Variants in GABRG3 observed in about 807,000 individuals in gnomAD.
The protein encoded by GABRG3 is gamma-aminobutyric acid receptor subunit gamma-3.
GABRG3 carries 25 observed loss-of-function variants against 48.8 expected under a neutral mutation model. The observed-to-expected ratio is 0.51, with a 90% CI of 0.37 to 0.72. The LOEUF (loss-of-function observed/expected upper bound fraction) is 0.72. GABRG3 is among the 30% of genes least tolerant of loss of function. GABRG3 has a pLI of 0.00. For missense variants in GABRG3, 394 were observed against 577.9 expected (o/e 0.68, Z 3.26); for synonymous variants, 227 against 217.6 (o/e 1.04, Z -0.38).
Position 27,027,068 on chromosome 15 carries a change from G to A in GABRG3, c.270+247G>A, listed in dbSNP as rs374350589. 7.7e-4 allele frequency: 291 copies of A among 379,838 alleles called. 1 individual carries two copies. The highest frequency in any genetic ancestry group is 5.7e-3 in the African/African-American group (274 of 48,382). The allele number at this position is 379,838 out of a possible 1,614,324, so 23.5% of individuals were successfully genotyped here. ...ATCCAAGAGACCTGTCTTTTATAGT[G>A]TTTCTTAGGAAAGGATTCGAGATCA... On this transcript the variant is annotated intron_variant, in intron 3 of 9. Coordinates refer to ENST00000615808, the MANE Select transcript of GABRG3 (RefSeq NM_033223.5).
intron 3 of GABRG3, among the ~76,000 whole-genome samples, chr15:27,249,363 C>T (rs925224403): frequency 6.6e-6 from 1 of 152,210 alleles, no homozygotes; most frequent in Non-Finnish European, 1.5e-5. Context: ...ATCCCGGCTG[C>T]GTGCCCTTCC....
intron 5 of GABRG3, among the ~76,000 whole-genome samples, chr15:27,412,652 C>T (rs1027182906): frequency 1.3e-5 from 2 of 152,148 alleles, no homozygotes; most frequent in South Asian, 2.1e-4. Flanking sequence ...CACGCTTGAA[C>T]GTGGAAGAGG....
chr15:27,101,467 C>T (rs1897355704), intron 3 of GABRG3, among the ~76,000 whole-genome samples: 1 of 152,060 alleles, frequency 6.6e-6, no homozygotes, highest in Admixed American at 6.6e-5. Flanking sequence ...CAGTACAACA[C>T]CTAGAATAGC....
chr15:27,161,163 C>T (rs1037242499), intron 3 of GABRG3: 3 of 152,260 alleles, frequency 2.0e-5, no homozygotes, highest in Admixed American at 6.5e-5. Context: ...GTGGAACCTC[C>T]AACTCCTGTG....
chr15:27,022,503 A>G (rs569462369), intron 2 of GABRG3, among the ~76,000 whole-genome samples: 2 of 152,366 alleles, frequency 1.3e-5, no homozygotes, highest in African/African-American at 4.8e-5. Context: ...CGAGTTTAGC[A>G]GGAATCTTGT....
At chr15:27,120,325 G>A (rs1897709606) in intron 3 of GABRG3, among the ~76,000 whole-genome samples, 1 of 152,108 alleles carries the variant, frequency 6.6e-6, no homozygotes, top group African/African-American at 2.4e-5. Context: ...TTATTGTCTT[G>A]CATGCATAGG....
At chr15:27,224,953 A>G (rs1889565333) in intron 3 of GABRG3, among the ~76,000 whole-genome samples, 1 of 151,646 alleles carries the variant, frequency 6.6e-6, no homozygotes, top group Non-Finnish European at 1.5e-5. Context: ...CTCAGTTGCT[A>G]GGAATGGTGG....
intron 7 of GABRG3, 145 bp from the exon 8 acceptor site, chr15:27,527,286 TAA>T: frequency 1.6e-6 from 1 of 608,392 alleles, no homozygotes; most frequent in East Asian, 2.8e-5. Context: ...GTATGGACAT[TAA>T]AATTCAAAGT....
intron 3 of GABRG3, among the ~76,000 whole-genome samples, chr15:27,042,129 G>T (rs1896286431): frequency 6.6e-6 from 1 of 152,226 alleles, no homozygotes; most frequent in African/African-American, 2.4e-5. Flanking sequence ...ACAGGATACT[G>T]TGGTCTGGCT....
chr15:27,111,206 T>G (rs986545242), intron 3 of GABRG3, among the ~76,000 whole-genome samples: 1 of 152,202 alleles, frequency 6.6e-6, no homozygotes, highest in African/African-American at 2.4e-5. Context: ...GCATTCTTCA[T>G]TTTTCTTGTG....
chr15:27,088,105 TTG>T (rs59358081), intron 3 of GABRG3, among the ~76,000 whole-genome samples: 365 of 146,962 alleles, frequency 2.5e-3, no homozygotes, highest in African/African-American at 5.5e-3. Flanking sequence ...TGTGCCGTGG[TTG>T]TGTGTGTGTG....
At chr15:27,135,177 T>C (rs78207394) in intron 3 of GABRG3, among the ~76,000 whole-genome samples, 3,477 of 152,326 alleles carry the variant, frequency 0.023, 151 homozygotes, top group African/African-American at 0.08. Context: ...GCCTCTTTTC[T>C]ATCATGGTAA....
intron 2 of GABRG3, among the ~76,000 whole-genome samples, chr15:27,000,335 A>C (rs138972018): frequency 4.6e-5 from 7 of 152,250 alleles, no homozygotes; most frequent in Admixed American, 4.6e-4. Context: ...CTTGTGGTTT[A>C]GGTTTGTTAG....
At chr15:27,197,582 G>A (rs1416327807) in intron 3 of GABRG3, among the ~76,000 whole-genome samples, 1 of 152,002 alleles carries the variant, frequency 6.6e-6, no homozygotes, top group Non-Finnish European at 1.5e-5. Context: ...ATGTTGAGCG[G>A]TGCATTTAGA....
At chr15:27,046,715 G>T (rs1270867634) in intron 3 of GABRG3, among the ~76,000 whole-genome samples, 1 of 152,172 alleles carries the variant, frequency 6.6e-6, no homozygotes, top group Non-Finnish European at 1.5e-5. Flanking sequence ...GATATGTGAG[G>T]TATCTTTTTT....
At chr15:27,243,153 C>T (rs372796007) in intron 3 of GABRG3, among the ~76,000 whole-genome samples, 8 of 152,158 alleles carry the variant, frequency 5.3e-5, no homozygotes, top group South Asian at 2.1e-4. Context: ...TGATAAAGAA[C>T]ACTCATAATA....
intron 5 of GABRG3, among the ~76,000 whole-genome samples, chr15:27,471,117 A>G (rs113273392): frequency 1.3e-4 from 20 of 152,232 alleles, no homozygotes; most frequent in African/African-American, 4.3e-4. Flanking sequence ...CAAAATTTAG[A>G]GGCCAGAGTT....
intron 5 of GABRG3, among the ~76,000 whole-genome samples, chr15:27,425,705 T>C (rs1888271788): frequency 6.6e-6 from 1 of 152,234 alleles, no homozygotes; most frequent in Admixed American, 6.5e-5. Flanking sequence ...AAGTTGTTCC[T>C]AAGTTGGTGC....
At chr15:27,253,764 C>G (rs1174251179) in intron 3 of GABRG3, among the ~76,000 whole-genome samples, 1 of 152,242 alleles carries the variant, frequency 6.6e-6, no homozygotes, top group Non-Finnish European at 1.5e-5. Flanking sequence ...CCTTCATCTG[C>G]CACTGTGCCA....
Sources: allele counts gnomAD v4.1 joint callset (sites outside exome capture counted in the v4.1 genomes callset), GRCh38; gene constraint gnomAD v4.1.1; transcripts MANE v1.5; gene names NCBI Gene and HGNC (gene_info 2026-07-23, HGNC 2026-07-21).